PCID2: variants seen among roughly 807,000 people sequenced by gnomAD.
PCID2 encodes the protein PCI domain containing 2.
A neutral mutation model predicts 61.3 loss-of-function variants in PCID2; 41 were observed. The ratio of observed to expected loss-of-function variants is 0.67; its 90% CI spans 0.52 to 0.87. PCID2 has a LOEUF of 0.87. Among genes scored for constraint, PCID2 ranks in the 40% least tolerant of loss-of-function variants. The pLI is 0.00. For missense variants in PCID2, 392 were observed against 493.4 expected (o/e 0.79, Z 1.95); for synonymous variants, 187 against 177.8 (o/e 1.05, Z -0.41).
intron 1 of PCID2, among the ~76,000 whole-genome samples, chr13:113,204,625 C>T (rs1471337100): frequency 6.6e-6 from 1 of 152,172 alleles, no homozygotes; most frequent in Non-Finnish European, 1.5e-5. Context: ...GGGCTCAGTG[C>T]CACAGGGCCT....
intron 7 of PCID2, chr13:113,187,117 C>A (rs1227074428): frequency 6.6e-6 from 1 of 152,134 alleles, no homozygotes; most frequent in Non-Finnish European, 1.5e-5. Flanking sequence ...CATCTGAAAA[C>A]GGAGACAAAT....
At position 113,200,526 on chromosome 13, in the gene PCID2, T is replaced by C. The variant is rs1297004481; in HGVS notation, c.37-10A>G. On this transcript the variant is annotated splice_polypyrimidine_tract_variant and intron_variant, in intron 1 of 13. Coordinates refer to ENST00000337344, the MANE Select transcript of PCID2 (RefSeq NM_001127202.4). ...CGATGGCTTCGTACACCTGAAACAT[T>C]TGAAAGGGAAACCTAAGTAGAAAAT... 1 of 1,573,280 alleles carries C rather than the reference T, an allele frequency of 6.4e-7. No homozygotes were observed. The highest frequency in any genetic ancestry group is 8.7e-7 in the Non-Finnish European group (1 of 1,142,952).
chr13:113,189,938 G>A (rs1334366692), intron 7 of PCID2, among the ~76,000 whole-genome samples: 1 of 151,970 alleles, frequency 6.6e-6, no homozygotes, highest in Non-Finnish European at 1.5e-5. Context: ...CAGGAGAATG[G>A]CTTGAACCCA....
At chr13:113,208,507 A>G in intron 1 of PCID2, 92 bp downstream of exon 1, 1 of 1,552,064 alleles carries the variant, frequency 6.4e-7, no homozygotes, top group South Asian at 1.2e-5. Flanking sequence ...GAGGCGGGAA[A>G]GGAAAAGGCC....
At chr13:113,176,793 G>C (rs2037198595), downstream of PCID2, among the ~76,000 whole-genome samples, 1 of 152,072 alleles carries the variant, frequency 6.6e-6, no homozygotes. Context: ...ATCTCTATCT[G>C]TACCATCTCT....
At chr13:113,167,046 T>C in the PCID2 span, among the ~76,000 whole-genome samples, 25 of 152,232 alleles carry the variant, frequency 1.6e-4, no homozygotes, top group African/African-American at 5.8e-4. Context: ...TCTGAAGTTA[T>C]TTAACTGAAT....
chr13:113,188,963 C>T (rs1242529787), intron 7 of PCID2, among the ~76,000 whole-genome samples: 1 of 152,124 alleles, frequency 6.6e-6, no homozygotes. Context: ...GGTTTTTTGG[C>T]CACATCAAGC....
At chr13:113,171,636 C>T in the PCID2 span, 59 of 1,614,046 alleles carry the variant, frequency 3.7e-5, no homozygotes, top group Non-Finnish European at 4.7e-5. This position sits in a 1 kb window ranked among gnomAD's most constrained non-coding sequence, Gnocchi z 5.1. Flanking sequence ...ATCAAGATAA[C>T]GCACGTCCAT....
intron 1 of PCID2, among the ~76,000 whole-genome samples, chr13:113,207,087 G>A (rs1326759903): frequency 6.6e-6 from 1 of 152,218 alleles, no homozygotes; most frequent in Non-Finnish European, 1.5e-5. Context: ...GATGCCCAAG[G>A]TATGATGACG....
rs568948227 is a variant in PCID2 at position 113,185,614 on chromosome 13, A to G, written c.468-54T>C. 3 of 1,163,232 alleles carry G rather than the reference A, an allele frequency of 2.6e-6. No homozygotes were observed. In the South Asian group the frequency reaches 3.9e-5, roughly 15 times the overall value. The allele number at this position is 1,163,232 out of a possible 1,614,324, so 72.1% of individuals were successfully genotyped here. A position where few individuals can be genotyped will look rare whatever the true frequency, so the allele number is the denominator to read the frequency against. ...CATAGGAAATAAAAATTTTATTTATAAATCACAAAATAAACTGCCTAAACA... is the reference window on the plus strand; with the variant it reads ...CATAGGAAATAAAAATTTTATTTATGAATCACAAAATAAACTGCCTAAACA... On this transcript the variant is annotated intron_variant, in intron 7 of 13. Coordinates refer to ENST00000337344, the MANE Select transcript of PCID2 (RefSeq NM_001127202.4).
chr13:113,197,137 G>A, intron 4 of PCID2, 41 bp downstream of exon 4: 2 of 1,614,054 alleles, frequency 1.2e-6, no homozygotes, highest in Non-Finnish European at 1.7e-6. Context: ...TCCACTGCAT[G>A]TGTTCTATGC....
the PCID2 span, among the ~76,000 whole-genome samples, chr13:113,168,872 G>A: frequency 2.6e-5 from 4 of 151,966 alleles, no homozygotes; most frequent in East Asian, 7.7e-4. Flanking sequence ...GGGACCATAG[G>A]TGTGCACGAC....
the PCID2 span, among the ~76,000 whole-genome samples, chr13:113,171,426 C>A: frequency 1.3e-5 from 2 of 152,296 alleles, no homozygotes; most frequent in Non-Finnish European, 2.9e-5. The surrounding 1 kb of genome is among the most constrained non-coding windows in gnomAD (Gnocchi z 5.1). Flanking sequence ...CTGTGAGTGG[C>A]CTTTCTGTCC....
chr13:113,165,253 C>T, the PCID2 span: 3 of 854,268 alleles, frequency 3.5e-6, no homozygotes, highest in Non-Finnish European at 5.7e-6. Flanking sequence ...CTGCACTGAC[C>T]AACCTCTATT....
Position 113,180,849 on chromosome 13 carries a change from C to T in PCID2, c.786+281G>A, listed in dbSNP as rs188685916. ...TTTTAAGGGAGGAATACAAATGATA[C>T]GTACTTATTTTGTCACATGAACGTT... On this transcript the variant is annotated intron_variant, in intron 10 of 13. Coordinates refer to ENST00000337344, the MANE Select transcript of PCID2 (RefSeq NM_001127202.4). 1.5e-4 allele frequency among the ~76,000 whole-genome samples: 23 copies of T among 152,236 alleles called. No individual in the cohort carries two copies. In the East Asian group the frequency reaches 3.3e-3, roughly 22 times the overall value.
chr13:113,195,360 T>C (rs1343473757), intron 5 of PCID2, among the ~76,000 whole-genome samples: 1 of 152,200 alleles, frequency 6.6e-6, no homozygotes. Flanking sequence ...TCCCCAACCC[T>C]GTCAGAGACC....
In PCID2 at chr13:113,179,806, A is replaced by G; in HGVS notation, c.986+111T>C. The G allele has an allele frequency of 9.2e-7, 1 of 1,084,270 alleles. No individual in the cohort carries two copies. Among genetic ancestry groups the G allele is most frequent in the Non-Finnish European group, 1.3e-6 (1 of 757,944 alleles). The allele number at this position is 1,084,270 out of a possible 1,614,324, so 67.2% of individuals were successfully genotyped here. A position where few individuals can be genotyped will look rare whatever the true frequency, so the allele number is the denominator to read the frequency against. ...TTATCCCACACAATGGAAGGAAGATAACGACCCCACCCACACGGTGGCCTT... is the reference window on the plus strand; with the variant it reads ...TTATCCCACACAATGGAAGGAAGATGACGACCCCACCCACACGGTGGCCTT... On this transcript the variant is annotated intron_variant, in intron 12 of 13. Transcript: ENST00000337344. This position sits in a 1 kb window ranked among gnomAD's most constrained non-coding sequence, Gnocchi z 4.3.
At chr13:113,181,549 T>C (rs2037637788) in intron 9 of PCID2, among the ~76,000 whole-genome samples, 1 of 152,234 alleles carries the variant, frequency 6.6e-6, no homozygotes, top group Non-Finnish European at 1.5e-5. Flanking sequence ...AGTCTGACCC[T>C]GCTCAGATGA....
chr13:113,198,020 T>C (rs1189083358), intron 3 of PCID2, among the ~76,000 whole-genome samples, 171 bp downstream of exon 3: 10 of 151,588 alleles, frequency 6.6e-5, no homozygotes, highest in Admixed American at 2.0e-4. Flanking sequence ...ATTATATAAC[T>C]GATGTTTACA....
Sources: gnomAD v4.1 joint callset for allele counts (sites outside exome capture counted in the v4.1 genomes callset) on GRCh38, gnomAD v4.1.1 for gene constraint, Gnocchi (gnomAD v3.1) non-coding constraint, MANE v1.5 for transcripts, NCBI Gene and HGNC (gene_info 2026-07-23, HGNC 2026-07-21) for gene names.